The following RORA variants were observed in gnomAD, a reference collection of about 807,000 sequenced individuals.
The protein encoded by RORA is RAR related orphan receptor A.
In RORA, 7 loss-of-function variants were observed where a neutral mutation model predicts 69.5. That is an observed-to-expected ratio of 0.10 (90% CI 0.06 to 0.19). RORA has a LOEUF of 0.19. Ranked by LOEUF, RORA falls within the 10% of genes least tolerant of loss-of-function variation. The pLI is 1.00. For synonymous variants in RORA, 261 were observed against 240.8 expected (o/e 1.08, Z -0.78); for missense variants, 457 against 663.0 (o/e 0.69, Z 3.41).
chr15:61,100,370 T>C (rs72739523), intron 1 of RORA, among the ~76,000 whole-genome samples: 38,925 of 152,060 alleles, frequency 0.26, 5,698 homozygotes, highest in Non-Finnish European at 0.34. Context: ...TCTACCCTCT[T>C]TGGCCTCCCA....
At chr15:61,052,580 T>C (rs2078029494) in intron 1 of RORA, among the ~76,000 whole-genome samples, 1 of 152,228 alleles carries the variant, frequency 6.6e-6, no homozygotes, top group South Asian at 2.1e-4. Flanking sequence ...AAAATGGATT[T>C]GCTTTACCAG....
intron 1 of RORA, among the ~76,000 whole-genome samples, chr15:61,018,730 T>G (rs1444394327): frequency 2.0e-5 from 3 of 152,204 alleles, no homozygotes; most frequent in African/African-American, 7.2e-5. Flanking sequence ...AGAGCAATCA[T>G]ACATATAACA....
chr15:60,570,926 C>G (rs1270160089), intron 2 of RORA, among the ~76,000 whole-genome samples: 1 of 152,186 alleles, frequency 6.6e-6, no homozygotes, highest in Non-Finnish European at 1.5e-5. Flanking sequence ...AGGCCTCTCT[C>G]ATGATCCTAC....
At chr15:60,883,855 C>A (rs8039843) in intron 1 of RORA, among the ~76,000 whole-genome samples, 25,629 of 152,142 alleles carry the variant, frequency 0.17, 2,451 homozygotes, top group Non-Finnish European at 0.21. Context: ...CACGATGCAA[C>A]TGAGGGATAC....
intron 1 of RORA, among the ~76,000 whole-genome samples, chr15:61,202,898 T>C (rs983364483): frequency 6.6e-6 from 1 of 152,156 alleles, no homozygotes; most frequent in Admixed American, 6.5e-5. Context: ...TAGAGACACT[T>C]GTACAACCCA....
intron 1 of RORA, among the ~76,000 whole-genome samples, chr15:60,843,486 C>T (rs1240116746): frequency 6.6e-6 from 1 of 152,198 alleles, no homozygotes; most frequent in Non-Finnish European, 1.5e-5. Flanking sequence ...TTTCCCTCTC[C>T]CTGTGATGTG....
chr15:60,775,393 C>T (rs1025563035), intron 1 of RORA, among the ~76,000 whole-genome samples: 1 of 152,164 alleles, frequency 6.6e-6, no homozygotes, highest in African/African-American at 2.4e-5. Flanking sequence ...TTCAAATTTG[C>T]GTGGGGGTTC....
rs199752865 is a variant in RORA, at chr15:61,167,482, ATTTTTTTTTTTTTTTTTTTTT to A, written c.166+61550_166+61570del. Among the ~76,000 whole-genome samples, 143 of 133,666 alleles carry A rather than the reference ATTTTTTTTTTTTTTTTTTTTT, an allele frequency of 1.1e-3. 2 individuals carry two copies. Among genetic ancestry groups the A allele is most frequent in the South Asian group, 2.5e-3 (10 of 3,986 alleles). The allele number at this position is 133,666 out of a possible 152,430, so 87.7% of individuals were successfully genotyped here. ...AAAGGATGCAAATAATTTGACCAGG[ATTTTTTTTTTTTTTTTTTTTT>A]TTTTTTTTTTTTTTTTTTTATGAAG... On this transcript the variant is annotated intron_variant, in intron 1 of 10. Coordinates refer to ENST00000335670, the MANE Select transcript of RORA (RefSeq NM_134261.3).
chr15:60,913,348 C>T (rs949578905), intron 1 of RORA, among the ~76,000 whole-genome samples: 24 of 152,320 alleles, frequency 1.6e-4, no homozygotes, highest in African/African-American at 5.8e-4. Context: ...GCCAGTAGAG[C>T]AAGCCTGTGA....
intron 2 of RORA, chr15:60,678,102 G>A (rs566029457): frequency 6.6e-6 from 1 of 152,496 alleles, no homozygotes; most frequent in South Asian, 2.1e-4. Flanking sequence ...CTGAGAAGTG[G>A]GATGAATACA....
At chr15:61,155,463 A>G (rs1380086255) in intron 1 of RORA, among the ~76,000 whole-genome samples, 2 of 152,304 alleles carry the variant, frequency 1.3e-5, no homozygotes, top group African/African-American at 4.8e-5. Flanking sequence ...ATATTTTGAG[A>G]AGGAAAAAAC....
In RORA at chr15:61,147,764, C is replaced by CACGTGTGTGT. The variant is rs1491436483; in HGVS notation, c.166+81288_166+81289insACACACACGT. The stretch of plus-strand genomic sequence containing the variant: ...GATGGTCAGTAGGCACGTGCGCACA[C>CACGTGTGTGT]GCGTGTGTGTGTGTGTGTGTGTGTG... On this transcript the variant is annotated intron_variant, in intron 1 of 10. Coordinates refer to ENST00000335670, the MANE Select transcript of RORA (RefSeq NM_134261.3). This position sits in a 1 kb window ranked among gnomAD's most constrained non-coding sequence, Gnocchi z 4.1. 1.2e-4 allele frequency among the ~76,000 whole-genome samples: 4 copies of CACGTGTGTGT among 33,584 alleles called. No homozygotes were observed. The highest frequency in any genetic ancestry group is 2.1e-4 in the Non-Finnish European group (2 of 9,454). 22.0% of individuals were successfully genotyped at this position (33,584 alleles called of 152,430 possible). A position where few individuals can be genotyped will look rare whatever the true frequency, so the allele number is the denominator to read the frequency against.
At chr15:60,773,213 G>A (rs959187089) in intron 1 of RORA, among the ~76,000 whole-genome samples, 11 of 152,134 alleles carry the variant, frequency 7.2e-5, no homozygotes, top group African/African-American at 1.2e-4. Flanking sequence ...GCTTTCCGGC[G>A]GGCTCTTGGC....
At chr15:60,851,450 G>A (rs1237016647) in intron 1 of RORA, among the ~76,000 whole-genome samples, 1 of 152,116 alleles carries the variant, frequency 6.6e-6, no homozygotes, top group Non-Finnish European at 1.5e-5. Flanking sequence ...CCAGGTGCCT[G>A]GAGAGTGGGG....
chr15:61,154,409 C>T (rs1423805789), intron 1 of RORA, among the ~76,000 whole-genome samples: 1 of 152,036 alleles, frequency 6.6e-6, no homozygotes, highest in Non-Finnish European at 1.5e-5. Flanking sequence ...CCCTGGCTTT[C>T]AAGGTGAAAA....
At chr15:61,082,424 G>A (rs2078558551) in intron 1 of RORA, among the ~76,000 whole-genome samples, 1 of 152,226 alleles carries the variant, frequency 6.6e-6, no homozygotes, top group Non-Finnish European at 1.5e-5. Context: ...GGGAGTTGGA[G>A]ATTGCAGTGA....
chr15:60,558,096 A>G, intron 2 of RORA: 1 of 539,772 alleles, frequency 1.9e-6, no homozygotes. Context: ...GATGTTGAGA[A>G]AACCAAGATT....
At chr15:61,136,011 A>G (rs1211001135) in intron 1 of RORA, among the ~76,000 whole-genome samples, 1 of 152,192 alleles carries the variant, frequency 6.6e-6, no homozygotes, top group African/African-American at 2.4e-5. Context: ...GGTTACCAAG[A>G]TGTCCAGGTG....
chr15:60,674,784 G>A (rs1443152620), intron 2 of RORA, among the ~76,000 whole-genome samples: 3 of 152,156 alleles, frequency 2.0e-5, no homozygotes, highest in African/African-American at 7.2e-5. Context: ...ACTCAAGTTG[G>A]GAGTAAACTG....
Sources: allele counts gnomAD v4.1 joint callset (sites outside exome capture counted in the v4.1 genomes callset), GRCh38; gene constraint gnomAD v4.1.1; non-coding constraint Gnocchi (gnomAD v3.1); transcripts MANE v1.5; gene names NCBI Gene and HGNC (gene_info 2026-07-23, HGNC 2026-07-21).